Variants in FBXL7 observed in about 807,000 individuals in gnomAD.
FBXL7 encodes the protein F-box/LRR-repeat protein 7.
FBXL7 carries 12 observed loss-of-function variants against 38.3 expected under a neutral mutation model. The ratio of observed to expected loss-of-function variants is 0.31; its 90% CI spans 0.20 to 0.51. The LOEUF is 0.51. Ranked by LOEUF, FBXL7 falls within the 20% of genes least tolerant of loss-of-function variation. FBXL7 has a pLI of 0.98. For missense variants in FBXL7, 567 were observed against 676.4 expected, an observed-to-expected ratio of 0.84 and a Z score of 1.79; for synonymous variants, 297 against 300.9, an observed-to-expected ratio of 0.99 and a Z score of 0.13.
At chr5:15,932,171 C>T (rs918152889) in intron 3 of FBXL7, among the ~76,000 whole-genome samples, 4 of 152,168 alleles carry the variant, frequency 2.6e-5, no homozygotes, top group Admixed American at 2.6e-4. Context: ...AGCTGCAGTG[C>T]AACAGTTAAA....
At chr5:15,708,523 C>A (rs1411485688) in intron 2 of FBXL7, among the ~76,000 whole-genome samples, 1 of 152,168 alleles carries the variant, frequency 6.6e-6, no homozygotes, top group African/African-American at 2.4e-5. Flanking sequence ...AACTTGAGTG[C>A]CAGCACTTCA....
At chr5:15,518,908 T>G (rs1737019307) in intron 1 of FBXL7, among the ~76,000 whole-genome samples, 1 of 152,144 alleles carries the variant, frequency 6.6e-6, no homozygotes, top group Admixed American at 6.5e-5. Flanking sequence ...TGTCAGCGCT[T>G]GTTTGGCCCG....
intron 2 of FBXL7, among the ~76,000 whole-genome samples, chr5:15,768,061 A>G (rs1212747681): frequency 1.3e-5 from 2 of 152,214 alleles, no homozygotes; most frequent in Admixed American, 1.3e-4. Context: ...TGCTTTGGTT[A>G]ACAAGTCCAC....
chr5:15,527,830 C>T (rs1737296481), intron 1 of FBXL7, among the ~76,000 whole-genome samples: 1 of 152,176 alleles, frequency 6.6e-6, no homozygotes, highest in South Asian at 2.1e-4. Context: ...ATAATACTGC[C>T]TTAACCGAAC....
At chr5:15,884,329 C>T (rs1288063672) in intron 2 of FBXL7, among the ~76,000 whole-genome samples, 2 of 151,698 alleles carry the variant, frequency 1.3e-5, no homozygotes, top group Non-Finnish European at 2.9e-5. Context: ...TGCAGTGGTG[C>T]GATCTCGGCT....
intron 2 of FBXL7, among the ~76,000 whole-genome samples, chr5:15,722,349 A>G (rs1231032731): frequency 1.3e-5 from 2 of 152,154 alleles, no homozygotes; most frequent in Non-Finnish European, 2.9e-5. Flanking sequence ...ATATTGTCCT[A>G]TACTGACAGG....
At chr5:15,505,038 A>G (rs558098426) in intron 1 of FBXL7, among the ~76,000 whole-genome samples, 24 of 152,346 alleles carry the variant, frequency 1.6e-4, no homozygotes, top group African/African-American at 5.0e-4. Flanking sequence ...TACCAAGGGC[A>G]GTGAATTCCT....
At chr5:15,506,680 C>T (rs186172552) in intron 1 of FBXL7, among the ~76,000 whole-genome samples, 8 of 152,014 alleles carry the variant, frequency 5.3e-5, no homozygotes, top group Non-Finnish European at 8.8e-5. Context: ...AGATTGCTGT[C>T]TTCTCATTGT....
intron 2 of FBXL7, among the ~76,000 whole-genome samples, chr5:15,766,391 G>A (rs967985222): frequency 6.6e-6 from 1 of 152,150 alleles, no homozygotes; most frequent in African/African-American, 2.4e-5. Flanking sequence ...CTTAATTTTT[G>A]TATCCGTAGA....
At chr5:15,703,238 A>T (rs545588762) in intron 2 of FBXL7, among the ~76,000 whole-genome samples, 70 of 152,326 alleles carry the variant, frequency 4.6e-4, no homozygotes, top group South Asian at 3.3e-3. Flanking sequence ...TATTGAAATA[A>T]ATAACTCAGC....
At chr5:15,625,027 G>A (rs972065593) in intron 2 of FBXL7, among the ~76,000 whole-genome samples, 9 of 152,058 alleles carry the variant, frequency 5.9e-5, no homozygotes, top group East Asian at 1.9e-4. Flanking sequence ...GGTCCTCACC[G>A]GATGCAGCTG....
intron 2 of FBXL7, among the ~76,000 whole-genome samples, chr5:15,781,442 T>A (rs1736989200): frequency 6.6e-6 from 1 of 151,638 alleles, no homozygotes; most frequent in African/African-American, 2.4e-5. Context: ...AGTGTGTGTG[T>A]GTGTGTGCGC....
intron 2 of FBXL7, among the ~76,000 whole-genome samples, chr5:15,806,927 G>A (rs190068013): frequency 1.3e-5 from 2 of 152,144 alleles, no homozygotes; most frequent in East Asian, 1.9e-4. Context: ...GAAATCTATG[G>A]TACAATTGCA....
chr5:15,571,091 TTA>T (rs1491225375), intron 1 of FBXL7, among the ~76,000 whole-genome samples: 1 of 121,538 alleles, frequency 8.2e-6, no homozygotes, highest in Non-Finnish European at 1.7e-5. Flanking sequence ...GATTCTGTCT[TTA>T]AAAAAAAAAA....
intron 2 of FBXL7, among the ~76,000 whole-genome samples, chr5:15,683,082 T>A (rs1052018011): frequency 5.3e-5 from 8 of 152,148 alleles, no homozygotes; most frequent in African/African-American, 1.9e-4. Flanking sequence ...GGTGTATTGC[T>A]TATTCATTTG....
intron 2 of FBXL7, among the ~76,000 whole-genome samples, chr5:15,631,042 A>G (rs972200444): frequency 2.6e-5 from 4 of 152,178 alleles, no homozygotes; most frequent in African/African-American, 4.8e-5. Context: ...TGTAAATAGT[A>G]TATCTTTAAC....
chr5:15,512,383 C>T (rs1736822615), intron 1 of FBXL7, among the ~76,000 whole-genome samples: 1 of 152,180 alleles, frequency 6.6e-6, no homozygotes, highest in South Asian at 2.1e-4. Context: ...CGTATATGCA[C>T]ACTCATGTGA....
At chr5:15,572,565 A>T (rs995493053) in intron 1 of FBXL7, among the ~76,000 whole-genome samples, 2 of 152,084 alleles carry the variant, frequency 1.3e-5, no homozygotes, top group Admixed American at 6.6e-5. Flanking sequence ...GACTTTGAAA[A>T]AGCAGGTTGT....
In FBXL7 at chr5:15,553,093, C is replaced by CA. The variant is rs371383973; in HGVS notation, c.37+52389dup. On this transcript the variant is annotated intron_variant, in intron 1 of 3. Transcript: ENST00000504595. Reference sequence around the variant, plus strand: ...AAGACTCCATGTCAAAAAAAAAAAACAAAAAAAAACCCAACCAAACAAAAA... The same window carrying CA: ...AAGACTCCATGTCAAAAAAAAAAAACAAAAAAAAAACCCAACCAAACAAAAA... Among the ~76,000 whole-genome samples, 858 of 102,846 alleles carry CA rather than the reference C, an allele frequency of 8.3e-3. 9 individuals carry two copies. Among genetic ancestry groups the CA allele is most frequent in the African/African-American group, 0.025 (805 of 32,248 alleles). The allele number at this position is 102,846 out of a possible 152,430, so 67.5% of individuals were successfully genotyped here.
Sources: allele counts gnomAD v4.1 joint callset (sites outside exome capture counted in the v4.1 genomes callset), GRCh38; gene constraint gnomAD v4.1.1; transcripts MANE v1.5; gene names NCBI Gene and HGNC (gene_info 2026-07-23, HGNC 2026-07-21).